The following KCNMA1 variants were observed in gnomAD, a reference collection of about 807,000 sequenced individuals.
KCNMA1 encodes Calcium-activated potassium channel subunit alpha-1.
In KCNMA1, 29 loss-of-function variants were observed where a neutral mutation model predicts 140.0. The observed-to-expected ratio is 0.21, with a 90% confidence interval of 0.15 to 0.28. The LOEUF (loss-of-function observed/expected upper bound fraction) is 0.28. Among genes scored for constraint, KCNMA1 ranks in the 10% least tolerant of loss-of-function variants. KCNMA1 has a pLI of 1.00. For synonymous variants in KCNMA1, 612 were observed against 611.9 expected (o/e 1.00, Z 0.00); for missense variants, 880 against 1,602.2 (o/e 0.55, Z 7.70).
intron 24 of KCNMA1, 185 bp downstream of exon 24, chr10:76,914,747 AAGAT>A: frequency 5.4e-6 from 3 of 550,472 alleles, no homozygotes; most frequent in Non-Finnish European, 9.9e-6. Context: ...TCTCAGAAGA[AAGAT>A]AGATCAGTTT....
At chr10:76,951,892 C>T in intron 21 of KCNMA1, 2 of 798,206 alleles carry the variant, frequency 2.5e-6, no homozygotes, top group Non-Finnish European at 4.0e-6. Flanking sequence ...CCAGCCCCAC[C>T]CTGCTAGAAC....
At chr10:77,596,988 A>AG (rs2081130763) in intron 1 of KCNMA1, among the ~76,000 whole-genome samples, 1 of 152,250 alleles carries the variant, frequency 6.6e-6, no homozygotes, top group Admixed American at 6.5e-5. Flanking sequence ...ATTATATCAG[A>AG]GAAATTGGCG....
chr10:77,020,869 T>G (rs2153489750), intron 16 of KCNMA1: 1 of 152,298 alleles, frequency 6.6e-6, no homozygotes, highest in South Asian at 2.1e-4. Flanking sequence ...AATAGCTGTT[T>G]GACTTTGGGC....
intron 1 of KCNMA1, among the ~76,000 whole-genome samples, chr10:77,526,253 C>T (rs910552743): frequency 6.6e-6 from 1 of 152,208 alleles, no homozygotes. Flanking sequence ...ACTCTGTTCT[C>T]TTATGGGAGA....
At chr10:77,142,604 G>A (rs143980831) in intron 5 of KCNMA1, among the ~76,000 whole-genome samples, 24 of 152,146 alleles carry the variant, frequency 1.6e-4, no homozygotes, top group African/African-American at 5.1e-4. Context: ...TTTTTAGGCC[G>A]AGGGAACAGC....
chr10:77,321,886 C>T (rs1489648898), intron 2 of KCNMA1, among the ~76,000 whole-genome samples: 2 of 152,198 alleles, frequency 1.3e-5, no homozygotes, highest in African/African-American at 2.4e-5. Context: ...GAACTAGAAG[C>T]TTTATCCACA....
intron 16 of KCNMA1, among the ~76,000 whole-genome samples, chr10:77,024,848 G>GA (rs2093247096): frequency 6.6e-6 from 1 of 152,030 alleles, no homozygotes; most frequent in South Asian, 2.1e-4. Context: ...TAAATGTAAG[G>GA]AAAAATAGAA....
chr10:77,303,769 C>T (rs987061025), intron 2 of KCNMA1, among the ~76,000 whole-genome samples: 4 of 152,176 alleles, frequency 2.6e-5, no homozygotes, highest in Non-Finnish European at 4.4e-5. Context: ...CTTAAAGACT[C>T]AGAATTTGAG....
chr10:77,348,031 G>A (rs1394611849), intron 2 of KCNMA1, among the ~76,000 whole-genome samples: 3 of 152,140 alleles, frequency 2.0e-5, no homozygotes, highest in African/African-American at 7.2e-5. Flanking sequence ...AAACTTTATT[G>A]AAAGGATTGG....
intron 10 of KCNMA1, among the ~76,000 whole-genome samples, chr10:77,087,707 T>C (rs1305733540): frequency 6.6e-6 from 1 of 152,200 alleles, no homozygotes; most frequent in Admixed American, 6.5e-5. Context: ...AGTGACCTAT[T>C]TATTCATTTG....
At chr10:77,073,422 C>T (rs2096278474) in intron 13 of KCNMA1, among the ~76,000 whole-genome samples, 170 bp from the exon 14 acceptor site, 1 of 152,188 alleles carries the variant, frequency 6.6e-6, no homozygotes, top group African/African-American at 2.4e-5. Context: ...TTCTGCTCAT[C>T]ACACTTCAGT....
chr10:77,053,200 A>C (rs1396156561), intron 14 of KCNMA1, among the ~76,000 whole-genome samples: 1 of 152,176 alleles, frequency 6.6e-6, no homozygotes, highest in East Asian at 1.9e-4. Context: ...AGCAAGTTCA[A>C]GTCAATAATA....
intron 1 of KCNMA1, among the ~76,000 whole-genome samples, chr10:77,614,505 C>CA (rs1433235453): frequency 9.9e-5 from 15 of 152,154 alleles, no homozygotes; most frequent in African/African-American, 3.6e-4. Flanking sequence ...AAGATAGACT[C>CA]AAAGGTGAGC....
chr10:77,422,186 C>T (rs889005250), intron 1 of KCNMA1, among the ~76,000 whole-genome samples: 11 of 152,198 alleles, frequency 7.2e-5, no homozygotes, highest in African/African-American at 2.7e-4. Context: ...AAAAGTGATG[C>T]AGTGAGGAGA....
chr10:77,480,869 G>A (rs1351038237), intron 1 of KCNMA1, among the ~76,000 whole-genome samples: 1 of 152,002 alleles, frequency 6.6e-6, no homozygotes, highest in Non-Finnish European at 1.5e-5. Flanking sequence ...CAGCACTTTG[G>A]GAGGCGGAGG....
chr10:77,295,070 G>C (rs939673575), intron 2 of KCNMA1, among the ~76,000 whole-genome samples: 1 of 151,922 alleles, frequency 6.6e-6, no homozygotes, highest in African/African-American at 2.4e-5. Context: ...GTGTGAGGCC[G>C]GGTGTGGTGG....
chr10:77,336,078 G>A (rs2088838523), intron 2 of KCNMA1, among the ~76,000 whole-genome samples: 1 of 152,118 alleles, frequency 6.6e-6, no homozygotes, highest in African/African-American at 2.4e-5. Context: ...AAATAGTAAT[G>A]GACACAGCAG....
rs1464796627 is a variant in KCNMA1, at chr10:77,637,418, C to T, written c.225G>A (p.Met75Ile). The T allele has an allele frequency of 6.2e-7, 1 of 1,613,816 alleles. No individual in the cohort carries two copies. The highest frequency in any genetic ancestry group is 1.7e-5 in the Admixed American group (1 of 60,000). ...GGCCCCGGCTGTCGCACGGCACCTC[C>T]ATGGTCACCGGGATGATGAGCGCAT... Reference protein sequence around the residue: ...KMDALIIPVTMEVPCDSRGQR... With the variant: ...KMDALIIPVTIEVPCDSRGQR... Residue 75 changes from methionine to isoleucine, a missense_variant, in exon 1 of 28, where the codon ATG becomes ATA. Met to Ile is a conservative substitution (Grantham distance 10). Around this residue, in one of 13 missense-constraint regions of KCNMA1, gnomAD observed 31 missense variants for 75.0 expected, o/e 0.41. Coordinates refer to ENST00000286628, the MANE Select transcript of KCNMA1 (RefSeq NM_001161352.2).
intron 2 of KCNMA1, among the ~76,000 whole-genome samples, chr10:77,383,029 T>TATATATATATATA (rs1566450922): frequency 7.0e-5 from 8 of 113,574 alleles, no homozygotes; most frequent in African/African-American, 2.4e-4. Flanking sequence ...TATATATATA[T>TATATATATATATA]TCCAAGTGGA....
Sources: allele counts gnomAD v4.1 joint callset (sites outside exome capture counted in the v4.1 genomes callset), GRCh38; gene constraint gnomAD v4.1.1; regional missense constraint gnomAD v4.1.1; transcripts MANE v1.5; gene names NCBI Gene and HGNC (gene_info 2026-07-23, HGNC 2026-07-21).